CNKSR3: variants seen among roughly 807,000 people sequenced by gnomAD.
The protein encoded by CNKSR3 is connector enhancer of kinase suppressor of ras 3.
In CNKSR3, 36 loss-of-function variants were observed where a neutral mutation model predicts 67.7. The observed-to-expected ratio is 0.53, with a 90% CI of 0.41 to 0.70. The LOEUF is 0.70. Ranked by LOEUF, CNKSR3 falls within the 30% of genes least tolerant of loss-of-function variation. The pLI is 0.00. For missense variants in CNKSR3, 630 were observed against 695.2 expected, an observed-to-expected ratio of 0.91 and a Z score of 1.05; for synonymous variants, 281 against 271.4, an observed-to-expected ratio of 1.04 and a Z score of -0.35.
At chr6:154,509,827 G>T (rs996137003) in intron 1 of CNKSR3, among the ~76,000 whole-genome samples, 2 of 152,132 alleles carry the variant, frequency 1.3e-5, no homozygotes, top group African/African-American at 4.8e-5. Context: ...CCTACTCCCT[G>T]GTTTAAAGAT....
chr6:154,475,310 C>T lies in CNKSR3; in HGVS notation c.53-25052G>A, dbSNP rs182040703. On this transcript the variant is annotated intron_variant, in intron 1 of 12. Transcript: ENST00000607772. The stretch of plus-strand genomic sequence containing the variant: ...CCTGGCCCTTCTCCACCTCGTCCCT[C>T]CTGGCCACCATCTCTCCCCCTGGGC... Among the ~76,000 whole-genome samples the T allele has an allele frequency of 9.8e-3, 1,489 of 152,248 alleles. 23 individuals are homozygous for T. The highest frequency in any genetic ancestry group is 0.01 in the Non-Finnish European group (686 of 68,012).
At chr6:154,502,656 A>G (rs1291247586) in intron 1 of CNKSR3, among the ~76,000 whole-genome samples, 2 of 152,308 alleles carry the variant, frequency 1.3e-5, no homozygotes, top group East Asian at 3.9e-4. Context: ...AGCCTCCTCC[A>G]TGCTGCTCAT....
In CNKSR3 at chr6:154,395,501, C is replaced by CA. The variant is rs1289537364; in HGVS notation, c.*10852dup. The CA allele has an allele frequency of 6.6e-6, 1 of 152,136 alleles. No homozygotes were observed. The highest frequency in any genetic ancestry group is 6.5e-5 in the Admixed American group (1 of 15,274). 9.4% of individuals were successfully genotyped at this position (152,136 alleles called of 1,614,324 possible). A position where few individuals can be genotyped will look rare whatever the true frequency, so the allele number is the denominator to read the frequency against. On this transcript the variant is annotated 3_prime_UTR_variant, in exon 13 of 13. Transcript: ENST00000607772. ...AGGATGTGTGGGGGAGCAGAATTTC[C>CA]ACTTGTTTTCTTTCATCAACAAAGT...
Position 154,400,515 on chromosome 6 carries a change from G to A in CNKSR3, c.*5839C>T, listed in dbSNP as rs1448226551. The A allele has an allele frequency of 6.6e-6, 1 of 152,210 alleles. No individual in the cohort carries two copies. The highest frequency in any genetic ancestry group is 1.5e-5 in the Non-Finnish European group (1 of 68,042). 9.4% of individuals were successfully genotyped at this position (152,210 alleles called of 1,614,324 possible). On this transcript the variant is annotated 3_prime_UTR_variant, in exon 13 of 13. Coordinates refer to ENST00000607772, the MANE Select transcript of CNKSR3 (RefSeq NM_173515.4). ...TGGCCCAAAGGTTCTGAAAAACTGT[G>A]TGTGACAGTCTCCTGGCTGTGTAGC... is the stretch of plus-strand genomic sequence containing the variant.
At chr6:154,508,943 G>C (rs537805925) in intron 1 of CNKSR3, among the ~76,000 whole-genome samples, 1 of 152,192 alleles carries the variant, frequency 6.6e-6, no homozygotes, top group Non-Finnish European at 1.5e-5. Flanking sequence ...CGGTTTGAAA[G>C]ACGACCTGGT....
At chr6:154,502,944 CT>C (rs895834958) in intron 1 of CNKSR3, among the ~76,000 whole-genome samples, 1 of 152,138 alleles carries the variant, frequency 6.6e-6, no homozygotes, top group Non-Finnish European at 1.5e-5. Flanking sequence ...GGGAGGGCCC[CT>C]CTCGCTTCCT....
rs1784736642 is a variant in CNKSR3 at position 154,403,361 on chromosome 6, T to C, written c.*2993A>G. 6.6e-6 allele frequency: 1 copy of C among 151,774 alleles called. No homozygotes were observed. Among genetic ancestry groups the C allele is most frequent in the African/African-American group, 2.4e-5 (1 of 41,272 alleles). The allele number at this position is 151,774 out of a possible 1,614,324, so 9.4% of individuals were successfully genotyped here. A position where few individuals can be genotyped will look rare whatever the true frequency, so the allele number is the denominator to read the frequency against. ...AGGCAGAGGCTGCAGTGAGTTGAGA[T>C]TGTACCACTGCACTCTAGCCTGGGT... On this transcript the variant is annotated 3_prime_UTR_variant, in exon 13 of 13. Coordinates refer to ENST00000607772, the MANE Select transcript of CNKSR3 (RefSeq NM_173515.4).
At chr6:154,504,705 C>G (rs1013291255) in intron 1 of CNKSR3, among the ~76,000 whole-genome samples, 3 of 148,772 alleles carry the variant, frequency 2.0e-5, no homozygotes, top group African/African-American at 7.3e-5. Context: ...ACTGGGTTTT[C>G]TAAGGATGAA....
intron 1 of CNKSR3, among the ~76,000 whole-genome samples, chr6:154,483,705 A>G (rs1036195416): frequency 5.9e-5 from 9 of 152,104 alleles, no homozygotes; most frequent in African/African-American, 1.2e-4. Flanking sequence ...TAACTCACTC[A>G]ATCTCCCTCT....
At chr6:154,433,559 T>G (rs1021492397) in intron 4 of CNKSR3, 52 bp from the exon 5 acceptor site, 2 of 1,375,938 alleles carry the variant, frequency 1.5e-6, no homozygotes, top group Non-Finnish European at 2.0e-6. Context: ...TTAAAAACGT[T>G]CAGAACTGTT....
At chr6:154,505,479 A>C (rs1210110568) in intron 1 of CNKSR3, among the ~76,000 whole-genome samples, 1 of 146,882 alleles carries the variant, frequency 6.8e-6, no homozygotes, top group Non-Finnish European at 1.5e-5. Flanking sequence ...CAACTACACA[A>C]TTTTATTATT....
rs1784693432 is a variant in CNKSR3, at chr6:154,399,398, CATT to C, written c.*6953_*6955del. 6.6e-6 allele frequency: 1 copy of C among 152,164 alleles called. No individual in the cohort carries two copies. The highest frequency in any genetic ancestry group is 2.4e-5 in the African/African-American group (1 of 41,442). 9.4% of individuals were successfully genotyped at this position (152,164 alleles called of 1,614,324 possible). On this transcript the variant is annotated 3_prime_UTR_variant, in exon 13 of 13. Coordinates refer to ENST00000607772, the MANE Select transcript of CNKSR3 (RefSeq NM_173515.4). ...CTATGCGAAGAAAGGGCCTTAAAAA[CATT>C]ATCTCATTTAATCACCATAAGCCTT...
chr6:154,433,527 A>G lies in CNKSR3; in HGVS notation c.508-20T>C. Reference sequence around the variant, plus strand: ...GCAATCCTAAAGAAGGGGATGGAGAAAATGAATACTAAGTACAAGAGTTAA... The same window carrying G: ...GCAATCCTAAAGAAGGGGATGGAGAGAATGAATACTAAGTACAAGAGTTAA... On this transcript the variant is annotated intron_variant, in intron 4 of 12. Coordinates refer to ENST00000607772, the MANE Select transcript of CNKSR3 (RefSeq NM_173515.4). 6.4e-7 allele frequency: 1 copy of G among 1,565,220 alleles called. No individual in the cohort carries two copies. Among genetic ancestry groups the G allele is most frequent in the Middle Eastern group, 1.7e-4 (1 of 5,994 alleles).
At position 154,400,906 on chromosome 6, in the gene CNKSR3, T is replaced by C. The variant is rs1784709148; in HGVS notation, c.*5448A>G. On this transcript the variant is annotated 3_prime_UTR_variant, in exon 13 of 13. Transcript: ENST00000607772. ...TTTTACAGTAAAGAGACTAATTTTT[T>C]TCTAATTCCATATGCTATAGGCTAC... 6.6e-6 allele frequency: 1 copy of C among 152,214 alleles called. No homozygotes were observed. The highest frequency in any genetic ancestry group is 1.5e-5 in the Non-Finnish European group (1 of 68,036). 9.4% of individuals were successfully genotyped at this position (152,214 alleles called of 1,614,324 possible).
At chr6:154,414,498 C>T in intron 9 of CNKSR3, 75 bp from the exon 10 acceptor site, 1 of 1,498,348 alleles carries the variant, frequency 6.7e-7, no homozygotes, top group Non-Finnish European at 9.1e-7. Context: ...TATTTCCCCT[C>T]CCCCAAACCA....
chr6:154,493,462 T>G (rs1469472834), intron 1 of CNKSR3, among the ~76,000 whole-genome samples: 4 of 152,186 alleles, frequency 2.6e-5, no homozygotes, highest in African/African-American at 9.7e-5. Flanking sequence ...CAGAAGGCAC[T>G]CAATAGATGT....
Position 154,398,459 on chromosome 6 carries a change from G to C in CNKSR3, c.*7895C>G, listed in dbSNP as rs1035663711. Reference sequence around the variant, plus strand: ...ACCTACCAAAGCCTTGGCCTTGGGTGGGGAGGCATCCAGTGACTGTCCTTT... The same window carrying C: ...ACCTACCAAAGCCTTGGCCTTGGGTCGGGAGGCATCCAGTGACTGTCCTTT... On this transcript the variant is annotated 3_prime_UTR_variant, in exon 13 of 13. Coordinates refer to ENST00000607772, the MANE Select transcript of CNKSR3 (RefSeq NM_173515.4). 1.3e-5 allele frequency: 2 copies of C among 152,220 alleles called. No individual in the cohort carries two copies. The highest frequency in any genetic ancestry group is 2.4e-5 in the African/African-American group (1 of 41,448). The allele number at this position is 152,220 out of a possible 1,614,324, so 9.4% of individuals were successfully genotyped here.
intron 4 of CNKSR3, among the ~76,000 whole-genome samples, chr6:154,438,677 C>G (rs981178026): frequency 2.0e-5 from 3 of 152,162 alleles, no homozygotes; most frequent in Admixed American, 2.0e-4. Flanking sequence ...ACTAACCTCC[C>G]TCAGTGAGCA....
intron 1 of CNKSR3, 110 bp downstream of exon 1, chr6:154,509,953 G>T: frequency 8.5e-7 from 1 of 1,180,154 alleles, no homozygotes. Context: ...ACCGGGCTGT[G>T]CCCTCACCGC....
Sources: gnomAD v4.1 joint callset for allele counts (sites outside exome capture counted in the v4.1 genomes callset) on GRCh38, gnomAD v4.1.1 for gene constraint, MANE v1.5 for transcripts, NCBI Gene and HGNC (gene_info 2026-07-23, HGNC 2026-07-21) for gene names.